The following TMEM272 variants were observed in gnomAD, a reference collection of about 807,000 sequenced individuals.
TMEM272 encodes long intergenic non-protein coding RNA 282.
Under a neutral mutation model 3.7 loss-of-function variants are expected in TMEM272, and 8 were observed. That is an observed-to-expected ratio of 2.17 (90% CI 1.27 to 3.91). The LOEUF is 3.91. Among genes scored for constraint, TMEM272 ranks in the 30% most tolerant of loss-of-function variants. TMEM272 has a pLI of 0.00. For synonymous variants in TMEM272, 63 were observed against 39.8 expected (o/e 1.58, Z -2.20); for missense variants, 166 against 91.5 (o/e 1.81, Z -3.32).
At chr13:51,924,088 C>T in the TMEM272 span, among the ~76,000 whole-genome samples, 1 of 152,194 alleles carries the variant, frequency 6.6e-6, no homozygotes, top group Middle Eastern at 3.2e-3. Context: ...CCACGCCTTC[C>T]TCAACCTTTC....
chr13:51,914,841 C>A, the TMEM272 span, among the ~76,000 whole-genome samples: 4 of 152,318 alleles, frequency 2.6e-5, no homozygotes, highest in East Asian at 5.8e-4. Context: ...CCTTTTGAGG[C>A]CCACGTTTGA....
At chr13:51,921,780 T>C in the TMEM272 span, among the ~76,000 whole-genome samples, 7 of 152,220 alleles carry the variant, frequency 4.6e-5, no homozygotes, top group Non-Finnish European at 1.0e-4. Context: ...CTCACAGACA[T>C]GTGCCCCCTG....
At chr13:51,852,738 G>A in the TMEM272 span, among the ~76,000 whole-genome samples, 8 of 152,132 alleles carry the variant, frequency 5.3e-5, no homozygotes, top group African/African-American at 1.7e-4. Context: ...AATTAGCCGG[G>A]CGTGGTGGCG....
the TMEM272 span, among the ~76,000 whole-genome samples, chr13:51,889,533 C>A: frequency 3.9e-5 from 6 of 152,144 alleles, no homozygotes; most frequent in African/African-American, 1.4e-4. Context: ...AGAAACCAGC[C>A]CTGCCGGCAC....
chr13:51,892,789 G>A, the TMEM272 span, among the ~76,000 whole-genome samples: 1 of 152,106 alleles, frequency 6.6e-6, no homozygotes, highest in Non-Finnish European at 1.5e-5. Context: ...TCCTGGGTCT[G>A]GTGGCTCAGT....
the TMEM272 span, among the ~76,000 whole-genome samples, chr13:51,879,893 C>T: frequency 2.0e-5 from 3 of 152,150 alleles, no homozygotes; most frequent in Non-Finnish European, 1.5e-5. Context: ...CCAGGAAGGG[C>T]TTTCTAGAGA....
At chr13:51,917,094 T>A in the TMEM272 span, among the ~76,000 whole-genome samples, 1 of 152,170 alleles carries the variant, frequency 6.6e-6, no homozygotes, top group Non-Finnish European at 1.5e-5. Flanking sequence ...CTAAAGACCA[T>A]GAATATGACT....
the TMEM272 span, among the ~76,000 whole-genome samples, chr13:51,850,722 T>A: frequency 6.6e-5 from 10 of 152,240 alleles, no homozygotes; most frequent in Non-Finnish European, 1.3e-4. Context: ...AATCTAATAC[T>A]ATACTCTTTT....
chr13:51,831,726 T>C (rs1431026831), intron 2 of TMEM272, among the ~76,000 whole-genome samples: 2 of 152,248 alleles, frequency 1.3e-5, no homozygotes, highest in Non-Finnish European at 2.9e-5. Context: ...TGGAGCTCTC[T>C]GGAACAGAGG....
At chr13:51,819,642 T>A (rs1956062158) in intron 4 of TMEM272, among the ~76,000 whole-genome samples, 2 of 152,206 alleles carry the variant, frequency 1.3e-5, no homozygotes, top group South Asian at 2.1e-4. Flanking sequence ...CCAGAGTTGA[T>A]TTTTTGTTCC....
the TMEM272 span, among the ~76,000 whole-genome samples, chr13:51,916,440 G>A: frequency 6.6e-6 from 1 of 152,210 alleles, no homozygotes; most frequent in Non-Finnish European, 1.5e-5. Flanking sequence ...GTACTTATCA[G>A]GGTGCCTGGC....
chr13:51,889,036 A>G, the TMEM272 span, among the ~76,000 whole-genome samples: 5 of 152,152 alleles, frequency 3.3e-5, no homozygotes, highest in Non-Finnish European at 7.3e-5. Flanking sequence ...ACTGATGGGT[A>G]TCTACATTGT....
At chr13:51,823,980 C>T (rs1467601824) in intron 3 of TMEM272, among the ~76,000 whole-genome samples, 1 of 152,228 alleles carries the variant, frequency 6.6e-6, no homozygotes, top group African/African-American at 2.4e-5. Flanking sequence ...TTCCAAGTCT[C>T]AACACAGCCT....
intron 2 of TMEM272, among the ~76,000 whole-genome samples, chr13:51,829,229 T>C (rs1956152098): frequency 6.6e-6 from 1 of 152,210 alleles, no homozygotes; most frequent in African/African-American, 2.4e-5. Context: ...TTATGCAATA[T>C]TAAGATGAAC....
the TMEM272 span, among the ~76,000 whole-genome samples, chr13:51,860,512 G>A: frequency 3.3e-5 from 5 of 151,770 alleles, no homozygotes; most frequent in South Asian, 4.2e-4. Context: ...GGTGGCGCAC[G>A]CCTGTAGTCC....
At chr13:51,836,464 A>G (rs1956217498) in intron 2 of TMEM272, among the ~76,000 whole-genome samples, 2 of 152,230 alleles carry the variant, frequency 1.3e-5, no homozygotes, top group Admixed American at 1.3e-4. Flanking sequence ...TGAAGAATAC[A>G]GTCCTCTCTG....
chr13:51,882,877 C>T, the TMEM272 span, among the ~76,000 whole-genome samples: 11 of 152,216 alleles, frequency 7.2e-5, no homozygotes, highest in Admixed American at 1.3e-4. Context: ...CCATGACCTC[C>T]GCCCAGGGCC....
Position 51,816,794 on chromosome 13 carries a change from A to G in TMEM272, c.521T>C (p.Val174Ala), listed in dbSNP as rs1264377466. ...AAGTCTCCACCTGGAGCACAGGTAG[A>G]CACAGCCGCTGCACAGCAGGAGCAA... ...LVLLLLCSGC[V>A]YLCSRWRLAA... Residue 174 changes from valine (V) to alanine (A), a missense_variant, in exon 5 of 5, where the codon GTC (valine) becomes GCC (alanine). Val to Ala is a moderately conservative substitution (Grantham distance 64). Coordinates refer to ENST00000629372, the MANE Select transcript of TMEM272 (RefSeq NM_001351003.2). 8.5e-6 allele frequency: 6 copies of G among 702,882 alleles called. No homozygotes were observed. The South Asian group carries it at 8.9e-5, about 10-fold the overall frequency. The allele number at this position is 702,882 out of a possible 1,614,324, so 43.5% of individuals were successfully genotyped here.
the TMEM272 span, among the ~76,000 whole-genome samples, chr13:51,878,238 G>A: frequency 6.6e-6 from 1 of 152,110 alleles, no homozygotes; most frequent in Non-Finnish European, 1.5e-5. Flanking sequence ...AGACCACCCT[G>A]GCTAACATGG....
Sources: gnomAD v4.1 joint callset for allele counts (sites outside exome capture counted in the v4.1 genomes callset) on GRCh38, gnomAD v4.1.1 for gene constraint, MANE v1.5 for transcripts, NCBI Gene and HGNC (gene_info 2026-07-23, HGNC 2026-07-21) for gene names.